The following ADGRG7 variants were observed in gnomAD, a reference collection of about 807,000 sequenced individuals.
ADGRG7 encodes adhesion G protein-coupled receptor G7.
ADGRG7 carries 82 observed loss-of-function variants against 88.6 expected under a neutral mutation model. The ratio of observed to expected loss-of-function variants is 0.93; its 90% CI spans 0.77 to 1.11. ADGRG7 has a LOEUF of 1.11. Ranked by LOEUF, ADGRG7 falls within the 50% of genes most tolerant of loss-of-function variation. The probability of loss-of-function intolerance (pLI) is 0.00; values close to 1 mark genes in which losing one functional copy is unlikely to be tolerated. For missense variants in ADGRG7, 945 were observed against 953.4 expected (o/e 0.99, Z 0.12); for synonymous variants, 381 against 345.2 (o/e 1.10, Z -1.15).
chr3:100,667,137 C>T (rs988124977), intron 14 of ADGRG7, among the ~76,000 whole-genome samples: 3 of 152,032 alleles, frequency 2.0e-5, no homozygotes, highest in East Asian at 3.9e-4. Flanking sequence ...CACAGCCTCC[C>T]GAGTAGCTAG....
Sources: gnomAD v4.1 joint callset for allele counts (sites outside exome capture counted in the v4.1 genomes callset) on GRCh38, gnomAD v4.1.1 for gene constraint, MANE v1.5 for transcripts, NCBI Gene and HGNC (gene_info 2026-07-23, HGNC 2026-07-21) for gene names.